PCDHGA7: variants seen among roughly 807,000 people sequenced by gnomAD.
PCDHGA7 encodes the protein protocadherin gamma-A7.
PCDHGA7 carries 44 observed loss-of-function variants against 58.3 expected under a neutral mutation model. The ratio of observed to expected loss-of-function variants is 0.75; its 90% CI spans 0.59 to 0.97. The LOEUF (loss-of-function observed/expected upper bound fraction) is 0.97. Ranked by LOEUF, PCDHGA7 falls within the 50% of genes least tolerant of loss-of-function variation. The probability of loss-of-function intolerance (pLI) is 0.00; values close to 1 mark genes in which losing one functional copy is unlikely to be tolerated. For missense variants in PCDHGA7, 1,266 were observed against 1,188.7 expected (o/e 1.06, Z -0.96); for synonymous variants, 516 against 504.2 (o/e 1.02, Z -0.31).
At chr5:141,451,352 A>G (rs2098714151) in intron 1 of PCDHGA7, among the ~76,000 whole-genome samples, 1 of 152,232 alleles carries the variant, frequency 6.6e-6, no homozygotes, top group Non-Finnish European at 1.5e-5. Flanking sequence ...AAGGGTCAAC[A>G]GAGGATGGAT....
rs1562063782 is a variant in PCDHGA7, at chr5:141,477,676, A to G, written c.2425-17131A>G. ...TAAATCGTGACAATGGCATAGTGTC[A>G]TCCTTAGTGCCCCTAGACTATGAGG... On this transcript the variant is annotated intron_variant, in intron 1 of 3. Coordinates refer to ENST00000518325, the MANE Select transcript of PCDHGA7 (RefSeq NM_018920.4). This position sits in a 1 kb window ranked among gnomAD's most constrained non-coding sequence, Gnocchi z 4.9. The G allele has an allele frequency of 1.2e-6, 2 of 1,614,194 alleles. No homozygotes were observed. The highest frequency in any genetic ancestry group is 1.7e-6 in the Non-Finnish European group (2 of 1,180,046).
chr5:141,408,575 G>A (rs1300122367), intron 1 of PCDHGA7: 4 of 1,613,918 alleles, frequency 2.5e-6, no homozygotes, highest in East Asian at 2.2e-5. Context: ...GGTGATTGAG[G>A]ATGTTAATGA....
Position 141,433,012 on chromosome 5 carries a change from G to C in PCDHGA7, c.2424+47689G>C. 1 of 1,614,172 alleles carries C rather than the reference G, an allele frequency of 6.2e-7. No homozygotes were observed. Among genetic ancestry groups the C allele is most frequent in the South Asian group, 1.1e-5 (1 of 91,080 alleles). The stretch of plus-strand genomic sequence containing the variant: ...TGGACGGGGTGCAGGCTTTCCTGCA[G>C]ACCTATTCCCACGAGGTTTCCCTCA... On this transcript the variant is annotated intron_variant, in intron 1 of 3. Coordinates refer to ENST00000518325, the MANE Select transcript of PCDHGA7 (RefSeq NM_018920.4).
intron 1 of PCDHGA7, chr5:141,418,432 T>C (rs954268296): frequency 1.9e-6 from 3 of 1,613,838 alleles, no homozygotes; most frequent in African/African-American, 1.3e-5. Context: ...GTGGCAAATA[T>C]CCAGAATTAG....
At chr5:141,466,709 T>C (rs2099127779) in intron 1 of PCDHGA7, among the ~76,000 whole-genome samples, 1 of 152,212 alleles carries the variant, frequency 6.6e-6, no homozygotes, top group Non-Finnish European at 1.5e-5. Flanking sequence ...TGATGTCTGT[T>C]CTTGTTTCCA....
chr5:141,393,844 G>A (rs1158027980), intron 1 of PCDHGA7: 1 of 1,613,966 alleles, frequency 6.2e-7, no homozygotes, highest in Admixed American at 1.7e-5. Flanking sequence ...AATGACAATA[G>A]ACCAGAAGTG....
At chr5:141,419,433 T>A (rs1333004780) in intron 1 of PCDHGA7, 6 of 1,613,246 alleles carry the variant, frequency 3.7e-6, no homozygotes, top group Non-Finnish European at 5.1e-6. Flanking sequence ...CACGAGCAGC[T>A]GCGCACCTTC....
rs186484297 is a variant in PCDHGA7 at position 141,453,739 on chromosome 5, A to G, written c.2425-41068A>G. ...TAAAAATATTTGTTACTACAGCTTA[A>G]ATAACATAAGTCTCCTAAAAATAAT... On this transcript the variant is annotated intron_variant, in intron 1 of 3. Coordinates refer to ENST00000518325, the MANE Select transcript of PCDHGA7 (RefSeq NM_018920.4). Among the ~76,000 whole-genome samples, 2 of 152,370 alleles carry G rather than the reference A, an allele frequency of 1.3e-5. 1 individual carries two copies. Among genetic ancestry groups the G allele is most frequent in the Admixed American group, 1.3e-4 (2 of 15,300 alleles).
intron 1 of PCDHGA7, among the ~76,000 whole-genome samples, chr5:141,483,547 G>A (rs1202182188): frequency 6.6e-6 from 1 of 152,140 alleles, no homozygotes. Context: ...GGTTGACAGT[G>A]CCATTCACAG....
chr5:141,391,749 G>A (rs147297013), intron 1 of PCDHGA7: 1 of 152,154 alleles, frequency 6.6e-6, no homozygotes, highest in African/African-American at 2.4e-5. Flanking sequence ...CTTATCCTTT[G>A]GCTTCTTAGT....
chr5:141,403,339 C>A, intron 1 of PCDHGA7: 2 of 1,614,010 alleles, frequency 1.2e-6, no homozygotes, highest in Non-Finnish European at 1.7e-6. Flanking sequence ...TTAACGACAG[C>A]GCCCCAAAGT....
At chr5:141,409,772 C>T (rs2095314133) in intron 1 of PCDHGA7, 1 of 1,612,736 alleles carries the variant, frequency 6.2e-7, no homozygotes, top group Non-Finnish European at 8.5e-7. Flanking sequence ...TGATCACGAG[C>T]AGCTGCGCGC....
At chr5:141,433,866 T>C (rs1191114798) in intron 1 of PCDHGA7, among the ~76,000 whole-genome samples, 1 of 151,870 alleles carries the variant, frequency 6.6e-6, no homozygotes, top group African/African-American at 2.4e-5. Context: ...CTTTATCCTC[T>C]AGTTTCATCC....
intron 1 of PCDHGA7, chr5:141,411,324 C>T (rs1171274674): frequency 1.3e-5 from 2 of 152,166 alleles, no homozygotes; most frequent in Admixed American, 6.5e-5. Context: ...AATCACAGCA[C>T]TTTGATAGGC....
At chr5:141,419,644 C>T (rs867285747) in intron 1 of PCDHGA7, 1 of 1,612,514 alleles carries the variant, frequency 6.2e-7, no homozygotes, top group Middle Eastern at 1.7e-4. Context: ...TGGCCGTGGA[C>T]GCGGACTCGG....
intron 1 of PCDHGA7, among the ~76,000 whole-genome samples, chr5:141,448,430 T>C (rs1468604001): frequency 6.6e-6 from 1 of 152,186 alleles, no homozygotes; most frequent in African/African-American, 2.4e-5. Flanking sequence ...TATGTATATA[T>C]TGAGAAGTCT....
chr5:141,457,480 G>A lies in PCDHGA7; in HGVS notation c.2425-37327G>A, dbSNP rs566798464. ...GATTCACAGGAATAAGCAGGGCCAGGGTTAGTCTAAAATGTAGGCAAAAAG... is the reference window on the plus strand; with the variant it reads ...GATTCACAGGAATAAGCAGGGCCAGAGTTAGTCTAAAATGTAGGCAAAAAG... On this transcript the variant is annotated intron_variant, in intron 1 of 3. Transcript: ENST00000518325. 2.0e-5 allele frequency among the ~76,000 whole-genome samples: 3 copies of A among 152,266 alleles called. No individual in the cohort carries two copies. In the South Asian group the frequency reaches 6.2e-4, roughly 32 times the overall value.
chr5:141,465,501 C>T (rs1044567555), intron 1 of PCDHGA7, among the ~76,000 whole-genome samples: 1 of 152,164 alleles, frequency 6.6e-6, no homozygotes, highest in Non-Finnish European at 1.5e-5. Context: ...GGAGCATTGT[C>T]GTGGTCAGGA....
chr5:141,390,207 C>G (rs1359982168), intron 1 of PCDHGA7: 5 of 1,614,028 alleles, frequency 3.1e-6, no homozygotes, highest in African/African-American at 1.3e-5. Flanking sequence ...GAGTTCAGGA[C>G]AAGACATACT....
Sources: allele counts gnomAD v4.1 joint callset (sites outside exome capture counted in the v4.1 genomes callset), GRCh38; gene constraint gnomAD v4.1.1; non-coding constraint Gnocchi (gnomAD v3.1); transcripts MANE v1.5; gene names NCBI Gene and HGNC (gene_info 2026-07-23, HGNC 2026-07-21).